Variants in DCAF6 observed in about 807,000 individuals in gnomAD.
DCAF6 encodes the protein DDB1 and CUL4 associated factor 6, also known as DDB1- and CUL4-associated factor 6.
Under a neutral mutation model 125.1 loss-of-function variants are expected in DCAF6, and 54 were observed. The observed-to-expected ratio is 0.43, with a 90% CI of 0.35 to 0.54. DCAF6 has a LOEUF of 0.54. Ranked by LOEUF, DCAF6 falls within the 20% of genes least tolerant of loss-of-function variation. The pLI is 0.01. For missense variants in DCAF6, 934 were observed against 1,161.7 expected (o/e 0.80, Z 2.85); for synonymous variants, 371 against 390.4 (o/e 0.95, Z 0.58).
intron 2 of DCAF6, among the ~76,000 whole-genome samples, chr1:167,959,437 A>G (rs888416916): frequency 1.3e-5 from 2 of 152,232 alleles, no homozygotes; most frequent in South Asian, 2.1e-4. Context: ...ACCAAGGAGC[A>G]TGCTGTATTG....
chr1:168,015,690 A>G, intron 10 of DCAF6, 91 bp from the exon 11 acceptor site: 1 of 1,173,958 alleles, frequency 8.5e-7, no homozygotes. Context: ...TGTTTTGTTT[A>G]TATCCTTCTT....
chr1:167,935,645 G>A (rs1671111012), upstream of DCAF6: 1 of 1,096,388 alleles, frequency 9.1e-7, no homozygotes, highest in Non-Finnish European at 1.4e-6. Flanking sequence ...GATGCCTCTA[G>A]AGGCAGTTGT....
At chr1:168,038,326 A>G (rs1398053059) in intron 12 of DCAF6, 45 bp from the exon 13 acceptor site, 1 of 1,383,428 alleles carries the variant, frequency 7.2e-7, no homozygotes, top group Non-Finnish European at 1.0e-6. Context: ...TCATCTTTTT[A>G]CTGGTTTCAG....
At chr1:167,919,164 G>C in the DCAF6 span, among the ~76,000 whole-genome samples, 1 of 152,170 alleles carries the variant, frequency 6.6e-6, no homozygotes, top group Non-Finnish European at 1.5e-5. Flanking sequence ...ATATACTTCT[G>C]TGATGCAGGC....
At chr1:167,978,799 G>A (rs1678641199) in intron 4 of DCAF6, among the ~76,000 whole-genome samples, 1 of 151,978 alleles carries the variant, frequency 6.6e-6, no homozygotes, top group Admixed American at 6.6e-5. Context: ...GAGACTACAG[G>A]CATGCACTAC....
chr1:167,966,355 A>G (rs1234985472), intron 2 of DCAF6, among the ~76,000 whole-genome samples: 1 of 152,190 alleles, frequency 6.6e-6, no homozygotes, highest in East Asian at 1.9e-4. Flanking sequence ...ACATAAATTC[A>G]TAAACTTTCT....
intron 2 of DCAF6, among the ~76,000 whole-genome samples, chr1:167,956,589 C>A (rs975618569): frequency 2.6e-5 from 4 of 152,010 alleles, no homozygotes; most frequent in African/African-American, 9.7e-5. Flanking sequence ...TTATTTGAGT[C>A]TTCTGCAGAC....
the DCAF6 span, chr1:167,924,494 T>C: frequency 6.3e-7 from 1 of 1,592,220 alleles, no homozygotes. Flanking sequence ...ACTCAAGACT[T>C]ACCCATTTCA....
At chr1:168,051,692 C>G (rs1689959325) in intron 17 of DCAF6, among the ~76,000 whole-genome samples, 1 of 151,986 alleles carries the variant, frequency 6.6e-6, no homozygotes, top group Non-Finnish European at 1.5e-5. Flanking sequence ...ATGAAATAAG[C>G]CAAAAAATAT....
chr1:167,895,620 T>G, the DCAF6 span, among the ~76,000 whole-genome samples: 1 of 152,200 alleles, frequency 6.6e-6, no homozygotes, highest in Non-Finnish European at 1.5e-5. Flanking sequence ...TAGGGTATTT[T>G]GTTTGTTTTT....
At chr1:167,942,943 G>A (rs1672472644) in intron 1 of DCAF6, among the ~76,000 whole-genome samples, 1 of 152,076 alleles carries the variant, frequency 6.6e-6, no homozygotes, top group Non-Finnish European at 1.5e-5. Context: ...GTCTTGCTCT[G>A]TCACCCAGGC....
In DCAF6 at chr1:168,004,541, A is replaced by G. The variant is rs112698635; in HGVS notation, c.1126A>G (p.Ser376Gly). ...RGRSRPRGGT[S>G]QSDISTLPTV... ...TAACATGTGTTTTGAAGGTGGAACA[A>G]GTCAATCAGATATTTCAACTCTTCC... The change falls in exon 10 of 22, where the codon AGT becomes GGT. Residue 376 changes from serine (S) to glycine (G), a missense_variant. By Grantham distance (56) the Ser-to-Gly change is moderately conservative (BLOSUM62 0). Around this residue, in one of 5 missense-constraint regions of DCAF6, gnomAD observed 559 missense variants for 635.5 expected, o/e 0.88. Coordinates refer to ENST00000367840, the MANE Select transcript of DCAF6 (RefSeq NM_001198956.2). 1.9e-6 allele frequency: 3 copies of G among 1,612,910 alleles called. No individual in the cohort carries two copies. In the African/African-American group the frequency reaches 4.0e-5, roughly 21 times the overall value.
intron 10 of DCAF6, among the ~76,000 whole-genome samples, chr1:168,009,585 C>G (rs1250335627): frequency 6.8e-6 from 1 of 147,452 alleles, no homozygotes. Context: ...TCTCTCTTTC[C>G]TGTCTTTTCT....
At chr1:168,000,368 A>G (rs1682421051) in intron 7 of DCAF6, among the ~76,000 whole-genome samples, 1 of 152,192 alleles carries the variant, frequency 6.6e-6, no homozygotes, top group Non-Finnish European at 1.5e-5. Flanking sequence ...AGCACATGCT[A>G]TTGGAAAAAA....
the DCAF6 span, among the ~76,000 whole-genome samples, chr1:167,863,589 C>T: frequency 2.6e-5 from 4 of 152,134 alleles, no homozygotes; most frequent in Non-Finnish European, 4.4e-5. Flanking sequence ...GGTTCCCTGA[C>T]CGGGAAGCAA....
At chr1:167,901,079 T>C in the DCAF6 span, among the ~76,000 whole-genome samples, 3 of 152,242 alleles carry the variant, frequency 2.0e-5, no homozygotes, top group Non-Finnish European at 4.4e-5. Flanking sequence ...ATCTCAGGAC[T>C]GTCATATAGT....
chr1:167,894,020 C>G, the DCAF6 span: 9 of 987,302 alleles, frequency 9.1e-6, no homozygotes, highest in Admixed American at 1.9e-5. Flanking sequence ...GCTCCCAGTC[C>G]CTATTCTCTT....
At chr1:167,929,150 G>A in the DCAF6 span, among the ~76,000 whole-genome samples, 5 of 150,904 alleles carry the variant, frequency 3.3e-5, no homozygotes, top group Admixed American at 6.6e-5. Context: ...CCAGAGGTGG[G>A]GAGTTTGAGA....
chr1:168,010,842 C>G (rs1441076341), intron 10 of DCAF6, among the ~76,000 whole-genome samples: 1 of 151,990 alleles, frequency 6.6e-6, no homozygotes, highest in Non-Finnish European at 1.5e-5. Flanking sequence ...TCATTTAGTT[C>G]ATGATTTGTA....
Sources: gnomAD v4.1 joint callset for allele counts (sites outside exome capture counted in the v4.1 genomes callset) on GRCh38, gnomAD v4.1.1 for gene constraint, gnomAD v4.1.1 regional missense constraint, MANE v1.5 for transcripts, NCBI Gene and HGNC (gene_info 2026-07-23, HGNC 2026-07-21) for gene names.